The following HNF4G variants were observed in gnomAD, a reference collection of about 807,000 sequenced individuals.
HNF4G encodes hepatocyte nuclear factor 4 gamma.
Under a neutral mutation model 50.9 loss-of-function variants are expected in HNF4G, and 21 were observed. That is an observed-to-expected ratio of 0.41 (90% CI 0.29 to 0.59). The LOEUF (loss-of-function observed/expected upper bound fraction) is 0.59. Ranked by LOEUF, HNF4G falls within the 20% of genes least tolerant of loss-of-function variation. The pLI, the probability that HNF4G is intolerant of heterozygous loss-of-function variation, is 0.26. For synonymous variants in HNF4G, 198 were observed against 185.6 expected, an observed-to-expected ratio of 1.07 and a Z score of -0.54; for missense variants, 527 against 559.4, an observed-to-expected ratio of 0.94 and a Z score of 0.58.
chr8:75,547,810 T>C, intron 3 of HNF4G, 129 bp downstream of exon 3: 1 of 637,670 alleles, frequency 1.6e-6, no homozygotes. Context: ...GAGGAATCTA[T>C]GATTCCTCAA....
rs115683144 is a variant in HNF4G, at chr8:75,434,558, A to C, written c.-144+26396A>C. On this transcript the variant is annotated intron_variant, in intron 1 of 10. Transcript: ENST00000354370. ...TAGAAGGAAAGAAGTCACAATGATA[A>C]AAATGTAATAAACAAGGAAACAATA... Among the ~76,000 whole-genome samples, 592 of 152,258 alleles carry C rather than the reference A, an allele frequency of 3.9e-3. 5 individuals are homozygous for C. The highest frequency in any genetic ancestry group is 0.013 in the African/African-American group (546 of 41,566).
chr8:75,521,356 G>A (rs992885403), intron 2 of HNF4G, among the ~76,000 whole-genome samples: 5 of 152,108 alleles, frequency 3.3e-5, no homozygotes, highest in East Asian at 1.9e-4. Context: ...TGCGACACAA[G>A]CAAATTATTT....
Position 75,564,015 on chromosome 8 carries a change from T to C in HNF4G, c.1287T>C (p.Ser429=), listed in dbSNP as rs1174843810. 1 of 1,613,612 alleles carries C rather than the reference T, an allele frequency of 6.2e-7. No individual in the cohort carries two copies. Residue 429 remains serine (S), a synonymous_variant, in exon 10 of 10, where the codon TCT becomes TCC. Transcript: ENST00000396423. The stretch of plus-strand genomic sequence containing the variant: ...CACTCCCTTCCCCACCACAAGGCTC[T>C]GGGCAAGAACAGTACAAAATAGCTG... ...ETPLPSPPQG[S]GQEQYKIAAN... is the part of the protein sequence containing the mutation.
At chr8:75,440,370 T>C (rs1220781769) in intron 1 of HNF4G, among the ~76,000 whole-genome samples, 1 of 152,224 alleles carries the variant, frequency 6.6e-6, no homozygotes, top group East Asian at 1.9e-4. Flanking sequence ...CTATCATTTC[T>C]AACACACTTT....
chr8:75,463,611 A>T lies in HNF4G; in HGVS notation c.-143-26478A>T, dbSNP rs142129143. Among the ~76,000 whole-genome samples, 37 of 151,912 alleles carry T rather than the reference A, an allele frequency of 2.4e-4. No homozygotes were observed. The East Asian group carries it at 7.2e-3, about 29-fold the overall frequency. Reference sequence around the variant, plus strand: ...GTAAGCATTCATTTTTTTTTTCAACAGAGTCTATACTCTTCACTTTCCAGA... The same window carrying T: ...GTAAGCATTCATTTTTTTTTTCAACTGAGTCTATACTCTTCACTTTCCAGA... On this transcript the variant is annotated intron_variant, in intron 1 of 10. Coordinates refer to the HNF4G transcript ENST00000354370.
chr8:75,502,328 G>A (rs1030385444), intron 2 of HNF4G, among the ~76,000 whole-genome samples: 1 of 152,096 alleles, frequency 6.6e-6, no homozygotes, highest in Non-Finnish European at 1.5e-5. Context: ...AGGATACCCT[G>A]TATAAACACA....
intron 1 of HNF4G, among the ~76,000 whole-genome samples, chr8:75,489,872 CTTG>C (rs1457862395): frequency 3.3e-5 from 5 of 152,156 alleles, no homozygotes; most frequent in African/African-American, 9.7e-5. Flanking sequence ...TTCATGTTGA[CTTG>C]TTGTTCTGTG....
intron 6 of HNF4G, among the ~76,000 whole-genome samples, chr8:75,557,704 GA>G (rs1228937449): frequency 6.6e-6 from 1 of 152,048 alleles, no homozygotes; most frequent in Non-Finnish European, 1.5e-5. Context: ...TAAAGCTGGA[GA>G]AAAAAGAGTG....
At chr8:75,469,102 T>G (rs1440919904) in intron 1 of HNF4G, among the ~76,000 whole-genome samples, 1 of 152,222 alleles carries the variant, frequency 6.6e-6, no homozygotes, top group Admixed American at 6.5e-5. Context: ...GGCTTCTGAT[T>G]TGGCTTCAGG....
chr8:75,459,903 A>G (rs7828069), intron 1 of HNF4G, among the ~76,000 whole-genome samples: 24,532 of 152,026 alleles, frequency 0.16, 2,287 homozygotes, highest in African/African-American at 0.25. Context: ...GGAAAATCAT[A>G]CACCATGGAA....
At chr8:75,543,670 C>T (rs1184244796) in intron 1 of HNF4G, 141 bp from the exon 2 acceptor site, 2 of 604,560 alleles carry the variant, frequency 3.3e-6, no homozygotes, top group Non-Finnish European at 5.5e-6. Context: ...AGCAGCCAGC[C>T]AGGGGTTAAA....
chr8:75,487,341 A>G (rs1301812159), intron 1 of HNF4G, among the ~76,000 whole-genome samples: 1 of 152,144 alleles, frequency 6.6e-6, no homozygotes, highest in African/African-American at 2.4e-5. Context: ...GGATAGACAC[A>G]TATTTGATCT....
At chr8:75,470,110 C>G (rs549598435) in intron 1 of HNF4G, among the ~76,000 whole-genome samples, 1 of 152,314 alleles carries the variant, frequency 6.6e-6, no homozygotes, top group South Asian at 2.1e-4. Context: ...AAGCCTGATT[C>G]ATCTTCCAGA....
intron 1 of HNF4G, among the ~76,000 whole-genome samples, chr8:75,472,914 G>GA (rs1194122481): frequency 6.6e-6 from 1 of 152,106 alleles, no homozygotes; most frequent in Non-Finnish European, 1.5e-5. Flanking sequence ...ACCAGTCCTA[G>GA]AAAAAGGGCA....
At chr8:75,425,970 A>T (rs1169280087) in intron 1 of HNF4G, among the ~76,000 whole-genome samples, 1 of 152,202 alleles carries the variant, frequency 6.6e-6, no homozygotes, top group Non-Finnish European at 1.5e-5. Flanking sequence ...TTTTTAAGGT[A>T]TAAAATCTAT....
At chr8:75,459,577 A>C (rs931354459) in intron 1 of HNF4G, among the ~76,000 whole-genome samples, 2 of 152,234 alleles carry the variant, frequency 1.3e-5, no homozygotes, top group Non-Finnish European at 2.9e-5. Context: ...TAGTGTTTAT[A>C]AATGACCTGT....
intron 6 of HNF4G, among the ~76,000 whole-genome samples, chr8:75,557,776 A>G (rs999907537): frequency 2.6e-5 from 4 of 152,224 alleles, no homozygotes; most frequent in Non-Finnish European, 4.4e-5. Context: ...GAAAGAATTT[A>G]GAATATTTGT....
chr8:75,525,837 A>G (rs1247784233), intron 2 of HNF4G, among the ~76,000 whole-genome samples: 1 of 152,234 alleles, frequency 6.6e-6, no homozygotes, highest in Non-Finnish European at 1.5e-5. Context: ...ATTCCAAAGG[A>G]AAATTATAGC....
chr8:75,437,403 T>C (rs751021419), intron 1 of HNF4G, among the ~76,000 whole-genome samples: 1 of 152,218 alleles, frequency 6.6e-6, no homozygotes, highest in Non-Finnish European at 1.5e-5. Flanking sequence ...AGTGAATCTT[T>C]CTACAATCCC....
Sources: gnomAD v4.1 joint callset for allele counts (sites outside exome capture counted in the v4.1 genomes callset) on GRCh38, gnomAD v4.1.1 for gene constraint, MANE v1.5 for transcripts, NCBI Gene and HGNC (gene_info 2026-07-23, HGNC 2026-07-21) for gene names.